The following RBFOX1 variants were observed in gnomAD, a reference collection of about 807,000 sequenced individuals.
RBFOX1 encodes RNA binding fox-1 homolog 1, also known as RNA binding protein fox-1 homolog 1.
Under a neutral mutation model 57.7 loss-of-function variants are expected in RBFOX1, and 8 were observed. The ratio of observed to expected loss-of-function variants is 0.14; its 90% confidence interval spans 0.08 to 0.25. The LOEUF (loss-of-function observed/expected upper bound fraction) is 0.25. Among genes scored for constraint, RBFOX1 ranks in the 10% least tolerant of loss-of-function variants. The pLI is 1.00. For synonymous variants in RBFOX1, 326 were observed against 222.4 expected, an observed-to-expected ratio of 1.47 and a Z score of -4.15; for missense variants, 611 against 548.5, an observed-to-expected ratio of 1.11 and a Z score of -1.14.
At chr16:7,105,849 G>T (rs766985866) in intron 4 of RBFOX1, among the ~76,000 whole-genome samples, 1 of 152,200 alleles carries the variant, frequency 6.6e-6, no homozygotes, top group African/African-American at 2.4e-5. Flanking sequence ...GGGCATTTGC[G>T]TTGGAGGAAC....
At chr16:6,131,317 G>A (rs1281027631) in intron 1 of RBFOX1, among the ~76,000 whole-genome samples, 1 of 152,156 alleles carries the variant, frequency 6.6e-6, no homozygotes, top group Non-Finnish European at 1.5e-5. Context: ...AATGTTATTG[G>A]TACTTTGCTG....
chr16:7,706,299 A>C (rs2082417150), intron 14 of RBFOX1, among the ~76,000 whole-genome samples: 1 of 152,216 alleles, frequency 6.6e-6, no homozygotes, highest in Non-Finnish European at 1.5e-5. Context: ...TGGATTCTGA[A>C]GGTAGAGGTC....
intron 4 of RBFOX1, among the ~76,000 whole-genome samples, chr16:7,407,219 C>G (rs749219038): frequency 2.3e-4 from 35 of 152,242 alleles, no homozygotes; most frequent in Middle Eastern, 3.4e-3. Flanking sequence ...CATAAACTCC[C>G]TCTTGCCAGG....
At chr16:5,878,430 C>A (rs2057672972) in intron 4 of RBFOX1, among the ~76,000 whole-genome samples, 1 of 152,176 alleles carries the variant, frequency 6.6e-6, no homozygotes, top group African/African-American at 2.4e-5. Flanking sequence ...TTTATGGGAC[C>A]CACTCAGGGC....
chr16:7,077,817 C>T (rs1201062557), intron 4 of RBFOX1, among the ~76,000 whole-genome samples: 1 of 152,158 alleles, frequency 6.6e-6, no homozygotes, highest in Non-Finnish European at 1.5e-5. Context: ...ACAAAATGTG[C>T]TTCTGAGATG....
At chr16:7,061,325 A>G (rs1177608295) in intron 4 of RBFOX1, among the ~76,000 whole-genome samples, 1 of 152,210 alleles carries the variant, frequency 6.6e-6, no homozygotes, top group Admixed American at 6.5e-5. Context: ...TATGTTCTCC[A>G]GTCTTTGCAA....
At chr16:6,502,107 C>G (rs1301202956) in intron 2 of RBFOX1, among the ~76,000 whole-genome samples, 1 of 152,114 alleles carries the variant, frequency 6.6e-6, no homozygotes, top group Non-Finnish European at 1.5e-5. Flanking sequence ...GAATATTACC[C>G]AACTGGAACC....
intron 4 of RBFOX1, among the ~76,000 whole-genome samples, chr16:7,182,599 T>G (rs184805534): frequency 1.3e-5 from 2 of 152,318 alleles, no homozygotes; most frequent in East Asian, 3.9e-4. Context: ...TAGACTCAGT[T>G]AAGCAAAAAG....
chr16:5,993,970 G>C (rs952707960), intron 4 of RBFOX1, among the ~76,000 whole-genome samples: 1 of 152,182 alleles, frequency 6.6e-6, no homozygotes, highest in Non-Finnish European at 1.5e-5. Flanking sequence ...TGCTGGGGAT[G>C]TTGGCACGTA....
At chr16:5,506,780 C>T (rs1181773940) in intron 2 of RBFOX1, among the ~76,000 whole-genome samples, 2 of 152,132 alleles carry the variant, frequency 1.3e-5, no homozygotes, top group Non-Finnish European at 2.9e-5. Flanking sequence ...CCAGTCTGCT[C>T]TGTTGGGTAC....
chr16:5,934,231 G>C (rs1338373953), intron 4 of RBFOX1, among the ~76,000 whole-genome samples: 1 of 152,204 alleles, frequency 6.6e-6, no homozygotes, highest in Non-Finnish European at 1.5e-5. Context: ...CCAGATTGGT[G>C]CAAACACAGC....
chr16:5,866,012 G>T (rs891379826), intron 3 of RBFOX1, among the ~76,000 whole-genome samples: 2 of 152,118 alleles, frequency 1.3e-5, no homozygotes, highest in South Asian at 4.1e-4. Flanking sequence ...TTGTTGCCCA[G>T]GCTGGAGTGC....
intron 4 of RBFOX1, among the ~76,000 whole-genome samples, chr16:7,301,228 A>G (rs956360730): frequency 4.6e-5 from 7 of 152,222 alleles, no homozygotes; most frequent in African/African-American, 1.7e-4. Flanking sequence ...CACTGATGTT[A>G]TCAATGGAAA....
At chr16:6,076,704 CAG>C (rs2095907166) in intron 1 of RBFOX1, among the ~76,000 whole-genome samples, 1 of 152,140 alleles carries the variant, frequency 6.6e-6, no homozygotes, top group Admixed American at 6.6e-5. Flanking sequence ...TTCAAAGACA[CAG>C]AGTCCAATGT....
intron 4 of RBFOX1, among the ~76,000 whole-genome samples, chr16:7,471,768 C>G (rs1355220769): frequency 1.3e-5 from 2 of 152,184 alleles, no homozygotes; most frequent in Non-Finnish European, 2.9e-5. Flanking sequence ...TTAAGACTTT[C>G]AGTCTCTTTC....
chr16:5,870,243 G>A (rs1406424218), intron 4 of RBFOX1, among the ~76,000 whole-genome samples: 5 of 151,356 alleles, frequency 3.3e-5, no homozygotes, highest in Non-Finnish European at 7.4e-5. Flanking sequence ...CTGGGTAGGG[G>A]CAGAAAGGGA....
At chr16:5,548,101 C>T (rs1267645266) in intron 2 of RBFOX1, among the ~76,000 whole-genome samples, 2 of 147,034 alleles carry the variant, frequency 1.4e-5, no homozygotes, top group Non-Finnish European at 3.0e-5. Flanking sequence ...GTGGAGGTTG[C>T]AGTGAGCTGA....
At chr16:6,273,346 T>G (rs2075424716) in intron 1 of RBFOX1, among the ~76,000 whole-genome samples, 3 of 145,482 alleles carry the variant, frequency 2.1e-5, no homozygotes, top group South Asian at 2.2e-4. Context: ...GTTGGTTTTT[T>G]TTTTTTTTTT....
chr16:5,609,929 T>C (rs2047715707), intron 3 of RBFOX1, among the ~76,000 whole-genome samples: 1 of 152,178 alleles, frequency 6.6e-6, no homozygotes, highest in South Asian at 2.1e-4. Flanking sequence ...TCTTACCCTC[T>C]TTGAGTTTTT....
Sources: allele counts gnomAD v4.1 joint callset (sites outside exome capture counted in the v4.1 genomes callset), GRCh38; gene constraint gnomAD v4.1.1; transcripts MANE v1.5; gene names NCBI Gene and HGNC (gene_info 2026-07-23, HGNC 2026-07-21).